FGD3: variants seen among roughly 807,000 people sequenced by gnomAD.
FGD3 encodes the protein FYVE, RhoGEF and PH domain containing 3.
A neutral mutation model predicts 71.8 loss-of-function variants in FGD3; 45 were observed. The ratio of observed to expected loss-of-function variants is 0.63; its 90% CI spans 0.49 to 0.80. The LOEUF is 0.80. FGD3 is among the 30% of genes least tolerant of loss of function. The pLI, the probability that FGD3 is intolerant of heterozygous loss-of-function variation, is 0.00. For missense variants in FGD3, 844 were observed against 951.5 expected (o/e 0.89, Z 1.49); for synonymous variants, 378 against 392.8 (o/e 0.96, Z 0.44).
In FGD3 at chr9:93,005,065, ACCT is replaced by A. The variant is rs534182479; in HGVS notation, c.680+933_680+935del. 3.4e-3 allele frequency among the ~76,000 whole-genome samples: 513 copies of A among 151,548 alleles called. 5 individuals carry two copies. Among genetic ancestry groups the A allele is most frequent in the African/African-American group, 0.012 (499 of 41,238 alleles). On this transcript the variant is annotated intron_variant, in intron 5 of 17. Coordinates refer to ENST00000375482, the MANE Select transcript of FGD3 (RefSeq NM_001083536.2). ...CTGCTAACTCATGAGTGCATGTGTG[ACCT>A]CCTCTGCAACTTTTATAACAGCACA...
At chr9:92,995,872 T>A (rs1470620797) in intron 3 of FGD3, among the ~76,000 whole-genome samples, 1 of 152,212 alleles carries the variant, frequency 6.6e-6, no homozygotes. Flanking sequence ...CTGGATTCAG[T>A]TTGCCAGTAT....
chr9:93,018,090 A>C lies in FGD3; in HGVS notation c.1276-46A>C, dbSNP rs764491157. 6.3e-6 allele frequency: 10 copies of C among 1,578,036 alleles called. No individual in the cohort carries two copies. In the South Asian group the frequency reaches 1.1e-4, roughly 17 times the overall value. On this transcript the variant is annotated intron_variant, in intron 10 of 17. Transcript: ENST00000375482. ...TCAGAAAACATGAGGCTGGAGCTAA[A>C]ATGACCAGCTTGGGTTTGCTTTGTT... is the stretch of plus-strand genomic sequence containing the variant.
intron 14 of FGD3, among the ~76,000 whole-genome samples, chr9:93,025,997 C>T (rs1862100146): frequency 2.0e-5 from 3 of 152,256 alleles, no homozygotes; most frequent in South Asian, 4.1e-4. Flanking sequence ...GCAGTGCCTG[C>T]GCCTCACAGC....
intron 1 of FGD3, among the ~76,000 whole-genome samples, chr9:92,948,248 T>G (rs1213874234): frequency 6.6e-6 from 1 of 152,196 alleles, no homozygotes; most frequent in African/African-American, 2.4e-5. Context: ...TTTTGTTACC[T>G]TATTCTTGCC....
chr9:92,985,645 A>T (rs1215529008), intron 3 of FGD3, among the ~76,000 whole-genome samples: 2 of 151,816 alleles, frequency 1.3e-5, no homozygotes, highest in Non-Finnish European at 2.9e-5. Flanking sequence ...TTCCTGGCTA[A>T]TTTTTTGTAT....
chr9:92,995,170 T>C (rs1564154447), intron 3 of FGD3, among the ~76,000 whole-genome samples: 1 of 152,222 alleles, frequency 6.6e-6, no homozygotes, highest in Non-Finnish European at 1.5e-5. Context: ...TTTGTAGTTC[T>C]CCTTGAAGAG....
chr9:93,010,305 G>C lies in FGD3; in HGVS notation c.897G>C (p.Arg299Ser), dbSNP rs771672283. 6.2e-7 allele frequency: 1 copy of C among 1,613,640 alleles called. No homozygotes were observed. The highest frequency in any genetic ancestry group is 1.7e-5 in the Admixed American group (1 of 59,978). The change falls in exon 7 of 18, where the codon AGG (arginine) becomes AGC (serine). Residue 299 changes from arginine to serine, a missense_variant. Arg to Ser is a moderately radical substitution (Grantham distance 110). Coordinates refer to ENST00000375482, the MANE Select transcript of FGD3 (RefSeq NM_001083536.2). ...ACCACATGCTGGAGCCCGTGCAGAG[G>C]GTCCCCCGGTACGAGCTGCTGCTCA... ...LQHHMLEPVQRVPRYELLLKD... is the reference protein window; with the variant it reads ...LQHHMLEPVQSVPRYELLLKD...
At chr9:92,968,055 A>G (rs965378508) in intron 1 of FGD3, among the ~76,000 whole-genome samples, 1 of 152,196 alleles carries the variant, frequency 6.6e-6, no homozygotes, top group African/African-American at 2.4e-5. Context: ...TGGGAGAAAC[A>G]TTCTTGACTA....
At chr9:92,984,472 G>T (rs2118617726) in intron 3 of FGD3, among the ~76,000 whole-genome samples, 1 of 152,290 alleles carries the variant, frequency 6.6e-6, no homozygotes, top group East Asian at 1.9e-4. Context: ...AGACAAAGAG[G>T]TTATCTACAT....
At chr9:92,958,166 T>C (rs2118508620) in intron 1 of FGD3, among the ~76,000 whole-genome samples, 1 of 151,980 alleles carries the variant, frequency 6.6e-6, no homozygotes, top group East Asian at 1.9e-4. Context: ...GCCCAGGTAA[T>C]TTTTGTATTT....
chr9:92,960,534 C>T (rs1032652518), intron 1 of FGD3, among the ~76,000 whole-genome samples: 5 of 152,144 alleles, frequency 3.3e-5, no homozygotes, highest in Non-Finnish European at 7.4e-5. Flanking sequence ...CACTACTAGA[C>T]GTCAGATGGA....
chr9:93,021,306 T>C (rs554560244), intron 13 of FGD3, among the ~76,000 whole-genome samples: 1 of 152,244 alleles, frequency 6.6e-6, no homozygotes, highest in South Asian at 2.1e-4. Context: ...CATGGAGACT[T>C]AGGCTGGGAA....
intron 16 of FGD3, 189 bp downstream of exon 16, chr9:93,033,062 G>A: frequency 1.5e-6 from 1 of 671,980 alleles, no homozygotes; most frequent in Non-Finnish European, 2.7e-6. Context: ...GTGCACGCTG[G>A]CTTCTCGGGA....
intron 3 of FGD3, among the ~76,000 whole-genome samples, chr9:92,978,749 C>T (rs1459709131): frequency 2.1e-3 from 70 of 34,106 alleles, no homozygotes; most frequent in African/African-American, 9.0e-3. Context: ...TCCCCCATCC[C>T]CCCTCCACTC....
intron 3 of FGD3, among the ~76,000 whole-genome samples, chr9:92,983,593 A>G (rs1860079893): frequency 6.6e-6 from 1 of 152,220 alleles, no homozygotes; most frequent in Admixed American, 6.5e-5. Context: ...TCATAATTAT[A>G]GAAGTTTTGC....
intron 3 of FGD3, among the ~76,000 whole-genome samples, chr9:93,002,139 T>A (rs989440332): frequency 6.6e-6 from 1 of 152,238 alleles, no homozygotes; most frequent in Non-Finnish European, 1.5e-5. Flanking sequence ...TAGCTCATAC[T>A]CTGTGCCCTG....
chr9:92,984,974 C>T (rs977603048), intron 3 of FGD3, among the ~76,000 whole-genome samples: 15 of 152,148 alleles, frequency 9.9e-5, no homozygotes, highest in African/African-American at 3.6e-4. Context: ...TTGGCTTTGT[C>T]CTGCTAGTGC....
intron 15 of FGD3, chr9:93,032,465 A>G (rs1216074260): frequency 6.3e-6 from 2 of 318,754 alleles, no homozygotes; most frequent in Non-Finnish European, 1.2e-5. Flanking sequence ...ATGGCCAGTG[A>G]TGGGGCATCT....
rs141635236 is a variant in FGD3, at chr9:93,023,118, T to C, written c.1557+729T>C. 4.7e-3 allele frequency among the ~76,000 whole-genome samples: 719 copies of C among 152,286 alleles called. 15 individuals are homozygous for C. Among genetic ancestry groups the C allele is most frequent in the Non-Finnish European group, 9.1e-4 (62 of 68,012 alleles). Reference sequence around the variant, plus strand: ...GCAACATCACCGTGGAGCACCCCGATGTGGCTGCTGTGCCCAGATGCAGGA... The same window carrying C: ...GCAACATCACCGTGGAGCACCCCGACGTGGCTGCTGTGCCCAGATGCAGGA... On this transcript the variant is annotated intron_variant, in intron 14 of 17. Transcript: ENST00000375482.
Sources: gnomAD v4.1 joint callset for allele counts (sites outside exome capture counted in the v4.1 genomes callset) on GRCh38, gnomAD v4.1.1 for gene constraint, MANE v1.5 for transcripts, NCBI Gene and HGNC (gene_info 2026-07-23, HGNC 2026-07-21) for gene names.